Variants in SLC35D1 observed in about 807,000 individuals in gnomAD.
SLC35D1 encodes the protein solute carrier family 35 member D1.
A neutral mutation model predicts 46.7 loss-of-function variants in SLC35D1; 31 were observed. The ratio of observed to expected loss-of-function variants is 0.66; its 90% CI spans 0.50 to 0.90. The LOEUF (loss-of-function observed/expected upper bound fraction) is 0.90. Among genes scored for constraint, SLC35D1 ranks in the 40% least tolerant of loss-of-function variants. The pLI, the probability that SLC35D1 is intolerant of heterozygous loss-of-function variation, is 0.00. For synonymous variants in SLC35D1, 195 were observed against 164.6 expected (o/e 1.18, Z -1.41); for missense variants, 397 against 426.2 (o/e 0.93, Z 0.60).
chr1:67,050,211 T>C (rs1488032392), intron 5 of SLC35D1, among the ~76,000 whole-genome samples: 1 of 152,162 alleles, frequency 6.6e-6, no homozygotes, highest in Non-Finnish European at 1.5e-5. Flanking sequence ...GTACAGAAAT[T>C]CTAGAAAGTA....
chr1:67,054,043 G>A lies in SLC35D1; in HGVS notation c.-30C>T. The A allele has an allele frequency of 6.2e-7, 1 of 1,603,440 alleles. No individual in the cohort carries two copies. Among genetic ancestry groups the A allele is most frequent in the Admixed American group, 1.7e-5 (1 of 59,296 alleles). On this transcript the variant is annotated 5_prime_UTR_variant, in exon 1 of 12. Coordinates refer to ENST00000235345, the MANE Select transcript of SLC35D1 (RefSeq NM_015139.3). ...GCCGCAGCAGCGGTGGCCTGGCGGC[G>A]GGGCCTAGCGGCTCGGGGGCCTGCA... is the stretch of plus-strand genomic sequence containing the variant.
At chr1:67,016,108 CATTAT>C (rs1299859573) in intron 10 of SLC35D1, among the ~76,000 whole-genome samples, 1 of 151,934 alleles carries the variant, frequency 6.6e-6, no homozygotes, top group African/African-American at 2.4e-5. Context: ...ACTTTCTCTG[CATTAT>C]ATTTATATAA....
Position 67,053,819 on chromosome 1 carries a change from G to C in SLC35D1, c.195C>G (p.Thr65=). 2 of 1,610,150 alleles carry C rather than the reference G, an allele frequency of 1.2e-6. No homozygotes were observed. The highest frequency in any genetic ancestry group is 2.7e-5 in the African/African-American group (2 of 74,644). The change falls in exon 1 of 12, where the codon ACC becomes ACG. Residue 65 remains threonine, a synonymous_variant. Coordinates refer to ENST00000235345, the MANE Select transcript of SLC35D1 (RefSeq NM_015139.3). ...CGCCGCCTCGGCCCTACCTGTAATT[G>C]GTGAGCACGCTCTTATTCACCACCA... The part of the protein sequence containing the change: ...LIVVVNKSVL[T]NYRFPSSLCV...
the SLC35D1 span, chr1:66,976,819 A>G: frequency 2.8e-6 from 3 of 1,079,690 alleles, no homozygotes; most frequent in Non-Finnish European, 3.8e-6. Flanking sequence ...TCTTGCTTTT[A>G]TATACTTGAT....
At chr1:67,044,545 GCA>G (rs747803428) in intron 7 of SLC35D1, among the ~76,000 whole-genome samples, 2 of 152,106 alleles carry the variant, frequency 1.3e-5, no homozygotes, top group Non-Finnish European at 2.9e-5. Context: ...AGATAAGTGT[GCA>G]CACACATACA....
At position 67,020,428 on chromosome 1, in the gene SLC35D1, T is replaced by C. The variant is rs201771401; in HGVS notation, c.817A>G (p.Thr273Ala). Residue 273 changes from threonine (T) to alanine (A), a missense_variant, in exon 10 of 12, where the codon ACA becomes GCA. Thr to Ala is a moderately conservative substitution (Grantham distance 58). Coordinates refer to ENST00000235345, the MANE Select transcript of SLC35D1 (RefSeq NM_015139.3). Reference protein sequence around the residue: ...CVMGFILMYATVLCTQYNSAL... With the variant: ...CVMGFILMYAAVLCTQYNSAL... Reference sequence around the variant, plus strand: ...GAATTATACTGCGTGCAGAGTACTGTGGCGTACATTAAGATAAACCTAGAA... The same window carrying C: ...GAATTATACTGCGTGCAGAGTACTGCGGCGTACATTAAGATAAACCTAGAA... 11 of 1,609,772 alleles carry C rather than the reference T, an allele frequency of 6.8e-6. No homozygotes were observed. The highest frequency in any genetic ancestry group is 1.3e-5 in the African/African-American group (1 of 74,950).
At chr1:66,976,718 G>A in the SLC35D1 span, 4 of 1,578,810 alleles carry the variant, frequency 2.5e-6, no homozygotes, top group Admixed American at 7.7e-5. Flanking sequence ...TCATCCTGGT[G>A]TAACGTGAGT....
chr1:67,038,534 C>G (rs1668170838), intron 8 of SLC35D1, among the ~76,000 whole-genome samples: 1 of 117,554 alleles, frequency 8.5e-6, no homozygotes, highest in South Asian at 3.5e-4. Flanking sequence ...GTGACTGAAT[C>G]ACTGGCTTTG....
At chr1:66,973,605 A>G in the SLC35D1 span, among the ~76,000 whole-genome samples, 1 of 152,056 alleles carries the variant, frequency 6.6e-6, no homozygotes, top group Non-Finnish European at 1.5e-5. Flanking sequence ...AATTACTTAC[A>G]GATTTGTTTT....
intron 11 of SLC35D1, among the ~76,000 whole-genome samples, chr1:67,006,282 G>A (rs1023302541): frequency 9.2e-5 from 14 of 152,054 alleles, no homozygotes; most frequent in Non-Finnish European, 2.9e-5. Context: ...AGTCCCTCAA[G>A]TAGACTACTT....
intron 1 of SLC35D1, 60 bp downstream of exon 1, chr1:67,053,751 G>GCGCCGC (rs569171894): frequency 4.3e-4 from 600 of 1,393,040 alleles, no homozygotes; most frequent in Non-Finnish European, 5.4e-4. Context: ...AGCCGGCGCC[G>GCGCCGC]CGCCGCCGCC....
intron 8 of SLC35D1, among the ~76,000 whole-genome samples, 159 bp from the exon 9 acceptor site, chr1:67,021,761 GTA>G (rs1386298099): frequency 7.5e-5 from 10 of 133,604 alleles, no homozygotes; most frequent in Non-Finnish European, 1.1e-4. Flanking sequence ...ACACACACAG[GTA>G]TATGTTTCCC....
the SLC35D1 span, among the ~76,000 whole-genome samples, chr1:66,992,379 C>T: frequency 6.6e-6 from 1 of 152,178 alleles, no homozygotes; most frequent in South Asian, 2.1e-4. Flanking sequence ...GAACCTTGCA[C>T]ACTCTGAGCC....
the SLC35D1 span, among the ~76,000 whole-genome samples, chr1:66,977,644 G>A: frequency 2.0e-5 from 3 of 152,082 alleles, no homozygotes; most frequent in Non-Finnish European, 1.5e-5. Context: ...GTCTAGCTTT[G>A]GAGTGAAACA....
rs543617570 is a variant in SLC35D1, at chr1:67,020,362, T to C, written c.876+7A>G. 7 of 1,570,100 alleles carry C rather than the reference T, an allele frequency of 4.5e-6. No homozygotes were observed. In the South Asian group the frequency reaches 7.8e-5, roughly 17 times the overall value. ...GTACCAAAAGCTAACAGTATTTTTC[T>C]ACTTACCTTAATACAGCCAACTATT... On this transcript the variant is annotated splice_region_variant and intron_variant, in intron 10 of 11. Coordinates refer to ENST00000235345, the MANE Select transcript of SLC35D1 (RefSeq NM_015139.3).
chr1:67,025,058 T>C (rs956821895), intron 8 of SLC35D1, among the ~76,000 whole-genome samples: 1 of 152,154 alleles, frequency 6.6e-6, no homozygotes, highest in African/African-American at 2.4e-5. Context: ...TTGATTTCCC[T>C]TCTTAGTAAG....
chr1:67,054,046 G>A lies in SLC35D1; in HGVS notation c.-33C>T, dbSNP rs757007521. The A allele has an allele frequency of 1.3e-4, 208 of 1,602,996 alleles. No homozygotes were observed. The highest frequency in any genetic ancestry group is 9.5e-4 in the Middle Eastern group (5 of 5,260). On this transcript the variant is annotated 5_prime_UTR_variant, in exon 1 of 12. Transcript: ENST00000235345. ...GCAGCAGCGGTGGCCTGGCGGCGGG[G>A]CCTAGCGGCTCGGGGGCCTGCAGCG... is the stretch of plus-strand genomic sequence containing the variant.
At chr1:66,981,697 A>T in the SLC35D1 span, 1 of 1,082,826 alleles carries the variant, frequency 9.2e-7, no homozygotes, top group Non-Finnish European at 1.3e-6. Flanking sequence ...TATATTTGTT[A>T]AGAAAGCCTT....
chr1:67,004,665 G>A (rs904624478), intron 11 of SLC35D1, among the ~76,000 whole-genome samples: 1 of 152,110 alleles, frequency 6.6e-6, no homozygotes, highest in African/African-American at 2.4e-5. Context: ...AAATTTTTAT[G>A]AGAAAATATA....
Sources: allele counts gnomAD v4.1 joint callset (sites outside exome capture counted in the v4.1 genomes callset), GRCh38; gene constraint gnomAD v4.1.1; transcripts MANE v1.5; gene names NCBI Gene and HGNC (gene_info 2026-07-23, HGNC 2026-07-21).